Variants in ZSCAN18 observed in about 807,000 individuals in gnomAD.
ZSCAN18 encodes zinc finger and SCAN domain containing 18.
ZSCAN18 carries 16 observed loss-of-function variants against 31.1 expected under a neutral mutation model. That is an observed-to-expected ratio of 0.51 (90% CI 0.35 to 0.78). The LOEUF (loss-of-function observed/expected upper bound fraction) is 0.78, where lower values mean the gene tolerates loss of function less well. Ranked by LOEUF, ZSCAN18 falls within the 30% of genes least tolerant of loss-of-function variation. ZSCAN18 has a pLI of 0.01. For missense variants in ZSCAN18, 731 were observed against 697.4 expected, an observed-to-expected ratio of 1.05 and a Z score of -0.54; for synonymous variants, 375 against 320.7, an observed-to-expected ratio of 1.17 and a Z score of -1.81.
chr19:58,086,300 C>A (rs756785504), intron 5 of ZSCAN18, 34 bp from the exon 6 acceptor site: 7 of 1,600,074 alleles, frequency 4.4e-6, no homozygotes, highest in Non-Finnish European at 5.1e-6. Flanking sequence ...AAATAAAAGG[C>A]ATCAACACAG....
intron 2 of ZSCAN18, among the ~76,000 whole-genome samples, chr19:58,089,326 A>C (rs1263775064): frequency 1.6e-5 from 2 of 123,048 alleles, no homozygotes; most frequent in Admixed American, 8.4e-5. Flanking sequence ...AAAAAAAAAA[A>C]AAAAAAAAAA....
At chr19:58,091,446 C>T (rs1014317678) in intron 1 of ZSCAN18, among the ~76,000 whole-genome samples, 3 of 149,958 alleles carry the variant, frequency 2.0e-5, no homozygotes, top group Non-Finnish European at 4.4e-5. Context: ...CCCACCTCCC[C>T]GTTTCTGGAA....
chr19:58,095,036 G>A (rs181291407), intron 1 of ZSCAN18, among the ~76,000 whole-genome samples: 1 of 152,232 alleles, frequency 6.6e-6, no homozygotes, highest in East Asian at 1.9e-4. Context: ...CAGCATAAGC[G>A]ACACAGCAAG....
intron 1 of ZSCAN18, among the ~76,000 whole-genome samples, chr19:58,091,721 C>T (rs915875277): frequency 2.0e-5 from 3 of 152,148 alleles, no homozygotes; most frequent in Non-Finnish European, 4.4e-5. Flanking sequence ...CAGAACCCAG[C>T]GGGTCACAGC....
chr19:58,109,267 C>T (rs1568644628), intron 1 of ZSCAN18: 2 of 1,231,684 alleles, frequency 1.6e-6, no homozygotes, highest in East Asian at 6.3e-5. Flanking sequence ...CAACACCATC[C>T]CAAGTTGATG....
At chr19:58,097,593 C>G (rs544849370) in intron 1 of ZSCAN18, among the ~76,000 whole-genome samples, 2 of 151,976 alleles carry the variant, frequency 1.3e-5, no homozygotes, top group East Asian at 3.9e-4. Flanking sequence ...CACCCTCCAT[C>G]CCTTCCCTGC....
chr19:58,086,175 T>A lies in ZSCAN18; in HGVS notation c.837A>T (p.Pro279=), dbSNP rs778736269. 3.7e-6 allele frequency: 6 copies of A among 1,613,924 alleles called. No individual in the cohort carries two copies. In the Admixed American group the frequency reaches 8.3e-5, roughly 22 times the overall value. The change falls in exon 6 of 7, where the codon CCA becomes CCT. Residue 279 remains proline, a splice_region_variant and synonymous_variant. Coordinates refer to ENST00000601144, the MANE Select transcript of ZSCAN18 (RefSeq NM_001145543.2). ...AACACCAATTCAACCCAACCTCACC[T>A]GGGAGGCTGCTTCCTTGTGGATCTC... ...VERDPQGSSL[P]EGGRRQESAG...
intron 5 of ZSCAN18, 94 bp from the exon 6 acceptor site, chr19:58,086,360 C>T: frequency 9.2e-7 from 1 of 1,089,384 alleles, no homozygotes; most frequent in Non-Finnish European, 1.4e-6. Context: ...CAGGCTGCAG[C>T]CCACCTCCTC....
At chr19:58,112,485 C>A (rs1179983142) in intron 1 of ZSCAN18, among the ~76,000 whole-genome samples, 1 of 151,582 alleles carries the variant, frequency 6.6e-6, no homozygotes, top group Admixed American at 6.6e-5. Context: ...CCCGTCTCCA[C>A]CAAAAATACA....
chr19:58,116,852 T>G (rs1000811893), intron 1 of ZSCAN18, among the ~76,000 whole-genome samples: 1 of 151,572 alleles, frequency 6.6e-6, no homozygotes, highest in Non-Finnish European at 1.5e-5. Context: ...TACCAGAGAG[T>G]AGAGGTGTGG....
intron 1 of ZSCAN18, among the ~76,000 whole-genome samples, chr19:58,103,249 G>C (rs1429243672): frequency 6.6e-6 from 1 of 152,214 alleles, no homozygotes; most frequent in South Asian, 2.1e-4. Flanking sequence ...TAAGTCTTTA[G>C]GTTCTGTGTC....
At chr19:58,115,369 A>G (rs1176150671) in intron 1 of ZSCAN18, among the ~76,000 whole-genome samples, 1 of 152,266 alleles carries the variant, frequency 6.6e-6, no homozygotes, top group Admixed American at 6.5e-5. Flanking sequence ...TAAAGATATC[A>G]CTGCAGAATT....
chr19:58,098,332 A>G (rs2074561919), upstream of ZSCAN18: 8 of 985,358 alleles, frequency 8.1e-6, no homozygotes, highest in African/African-American at 1.7e-5. Context: ...GGGAGCCGTG[A>G]CAGGTGACAG....
At chr19:58,092,815 C>T (rs1419475878) in intron 1 of ZSCAN18, 10 of 713,888 alleles carry the variant, frequency 1.4e-5, no homozygotes, top group Non-Finnish European at 1.7e-5. Context: ...ACTCTGTCAC[C>T]CAGGCTGGAG....
chr19:58,086,301 A>G (rs2074278952), intron 5 of ZSCAN18, 35 bp from the exon 6 acceptor site: 1 of 1,597,168 alleles, frequency 6.3e-7, no homozygotes, highest in Non-Finnish European at 8.6e-7. Flanking sequence ...AATAAAAGGC[A>G]TCAACACAGA....
upstream of ZSCAN18, among the ~76,000 whole-genome samples, chr19:58,101,299 ATTTTTTTTT>A (rs71188078): frequency 3.5e-4 from 38 of 108,388 alleles, no homozygotes; most frequent in African/African-American, 1.2e-3. Context: ...TGCCCAGCTA[ATTTTTTTTT>A]TTTTTTTTTT....
Position 58,087,378 on chromosome 19 carries a change from G to C in ZSCAN18, c.580C>G (p.Leu194Val), listed in dbSNP as rs1367827529. The change falls in exon 4 of 7, where the codon CTG (leucine) becomes GTG (valine). Residue 194 changes from leucine (L) to valine (V), a missense_variant. Around this residue, in one of 4 missense-constraint regions of ZSCAN18, gnomAD observed 597 missense variants for 499.5 expected, o/e 1.20. Coordinates refer to ENST00000601144, the MANE Select transcript of ZSCAN18 (RefSeq NM_001145543.2). ...GCTTCTCTGACCCTCCTCTGTTCCAGAAACAGGGGGTCCGGAGAAAGCCAG... is the reference window on the plus strand; with the variant it reads ...GCTTCTCTGACCCTCCTCTGTTCCACAAACAGGGGGTCCGGAGAAAGCCAG... ...TPWLSPDPLF[L>V]EQRRVREAKT... The C allele has an allele frequency of 6.2e-7, 1 of 1,604,674 alleles. No individual in the cohort carries two copies. The highest frequency in any genetic ancestry group is 1.1e-5 in the South Asian group (1 of 89,206).
chr19:58,102,442 C>T (rs889334395), upstream of ZSCAN18, among the ~76,000 whole-genome samples: 2 of 151,722 alleles, frequency 1.3e-5, no homozygotes, highest in African/African-American at 2.4e-5. Flanking sequence ...GCCTGGGCGA[C>T]AGAGCAAGAC....
chr19:58,085,877 C>T, intron 6 of ZSCAN18: 1 of 388,528 alleles, frequency 2.6e-6, no homozygotes, highest in Non-Finnish European at 4.7e-6. Flanking sequence ...TGTTGGTGTG[C>T]TGGCACAGAG....
Sources: allele counts gnomAD v4.1 joint callset (sites outside exome capture counted in the v4.1 genomes callset), GRCh38; gene constraint gnomAD v4.1.1; regional missense constraint gnomAD v4.1.1; transcripts MANE v1.5; gene names NCBI Gene and HGNC (gene_info 2026-07-23, HGNC 2026-07-21).